The following NUBPL variants were observed in gnomAD, a reference collection of about 807,000 sequenced individuals.
The protein encoded by NUBPL is iron-sulfur cluster transfer protein NUBPL.
A neutral mutation model predicts 45.7 loss-of-function variants in NUBPL; 31 were observed. The ratio of observed to expected loss-of-function variants is 0.68; its 90% confidence interval spans 0.51 to 0.92. The LOEUF is 0.92. Among genes scored for constraint, NUBPL ranks in the 40% least tolerant of loss-of-function variants. NUBPL has a pLI of 0.00. For missense variants in NUBPL, 401 were observed against 398.7 expected, an observed-to-expected ratio of 1.01 and a Z score of -0.05; for synonymous variants, 144 against 140.9, an observed-to-expected ratio of 1.02 and a Z score of -0.15.
At chr14:31,578,827 G>C (rs1467032249) in intron 3 of NUBPL, among the ~76,000 whole-genome samples, 3 of 152,178 alleles carry the variant, frequency 2.0e-5, no homozygotes, top group African/African-American at 7.2e-5. Flanking sequence ...GAATGATAAA[G>C]TACAACCGCC....
At chr14:31,660,300 A>C (rs1408442245) in intron 4 of NUBPL, among the ~76,000 whole-genome samples, 1 of 152,170 alleles carries the variant, frequency 6.6e-6, no homozygotes, top group Non-Finnish European at 1.5e-5. Flanking sequence ...TCGTGGTACT[A>C]GTATTTTCTG....
At chr14:31,721,439 G>A (rs921799041) in intron 6 of NUBPL, among the ~76,000 whole-genome samples, 2 of 152,014 alleles carry the variant, frequency 1.3e-5, no homozygotes, top group Non-Finnish European at 2.9e-5. Flanking sequence ...CTTAGTATAT[G>A]GCTGAAATTT....
chr14:31,625,257 A>T (rs149710157), intron 4 of NUBPL, among the ~76,000 whole-genome samples: 2 of 152,202 alleles, frequency 1.3e-5, no homozygotes, highest in Non-Finnish European at 2.9e-5. Context: ...ATTGAAAATT[A>T]CATTTTAGAT....
intron 6 of NUBPL, among the ~76,000 whole-genome samples, chr14:31,717,937 G>A (rs190444603): frequency 2.0e-5 from 3 of 152,214 alleles, no homozygotes; most frequent in Admixed American, 6.5e-5. Context: ...GCTAATTGCT[G>A]TTGCAGAATT....
chr14:31,849,896 A>G (rs2040510770), intron 9 of NUBPL, among the ~76,000 whole-genome samples: 1 of 152,222 alleles, frequency 6.6e-6, no homozygotes, highest in Admixed American at 6.5e-5. Context: ...GGTGCCACAG[A>G]GCTTTCCTAT....
intron 4 of NUBPL, among the ~76,000 whole-genome samples, chr14:31,601,140 T>A (rs1160139337): frequency 1.3e-5 from 2 of 152,256 alleles, no homozygotes; most frequent in South Asian, 2.1e-4. Context: ...AGTACCATGC[T>A]GTTTTGGTTA....
chr14:31,805,383 A>C (rs1223167183), intron 7 of NUBPL, among the ~76,000 whole-genome samples: 2 of 152,234 alleles, frequency 1.3e-5, no homozygotes, highest in Non-Finnish European at 2.9e-5. Flanking sequence ...TAAAGACAGA[A>C]CTATCATTCA....
At chr14:31,596,250 T>A (rs1336986609) in intron 3 of NUBPL, among the ~76,000 whole-genome samples, 1 of 152,162 alleles carries the variant, frequency 6.6e-6, no homozygotes, top group African/African-American at 2.4e-5. Context: ...CAAGACATCC[T>A]AATTTAGTTC....
chr14:31,580,805 A>G (rs1223843124), intron 3 of NUBPL, among the ~76,000 whole-genome samples: 1 of 152,194 alleles, frequency 6.6e-6, no homozygotes. Context: ...AATGGGAGGA[A>G]AGCCTCATGA....
intron 4 of NUBPL, among the ~76,000 whole-genome samples, chr14:31,651,332 G>A (rs1235830517): frequency 6.6e-6 from 1 of 152,060 alleles, no homozygotes; most frequent in South Asian, 2.1e-4. Context: ...CCAAGGTGCT[G>A]GCATTACAGG....
At chr14:31,654,995 T>C (rs1272447679) in intron 4 of NUBPL, among the ~76,000 whole-genome samples, 1 of 152,188 alleles carries the variant, frequency 6.6e-6, no homozygotes, top group African/African-American at 2.4e-5. Context: ...AAAAAGCAAC[T>C]CCTTATCTGT....
At chr14:31,759,925 G>A (rs2038761644) in intron 6 of NUBPL, among the ~76,000 whole-genome samples, 1 of 151,142 alleles carries the variant, frequency 6.6e-6, no homozygotes, top group Non-Finnish European at 1.5e-5. Context: ...GCTAAGCTAT[G>A]ATGTTTGGTA....
intron 4 of NUBPL, among the ~76,000 whole-genome samples, chr14:31,606,029 T>TCTCCCTCCTC (rs577925638): frequency 7.4e-5 from 11 of 148,036 alleles, no homozygotes; most frequent in African/African-American, 2.5e-4. Context: ...CCTCACTCCT[T>TCTCCCTCCTC]CTCCCTCCTC....
chr14:31,637,362 G>A (rs537260763), intron 4 of NUBPL, among the ~76,000 whole-genome samples: 33 of 152,218 alleles, frequency 2.2e-4, no homozygotes, highest in South Asian at 6.2e-4. Context: ...TAGTCATTCA[G>A]GAGCAGGTTG....
At chr14:31,851,062 T>A (rs1340524071) in intron 10 of NUBPL, among the ~76,000 whole-genome samples, 2 of 152,206 alleles carry the variant, frequency 1.3e-5, no homozygotes, top group Admixed American at 6.5e-5. Flanking sequence ...ATAAAATCTT[T>A]AAGCATAAAA....
intron 3 of NUBPL, among the ~76,000 whole-genome samples, chr14:31,591,796 T>A (rs2034149750): frequency 6.6e-6 from 1 of 152,126 alleles, no homozygotes; most frequent in Non-Finnish European, 1.5e-5. Context: ...ACTGTGGGGA[T>A]CATATAGTAA....
intron 6 of NUBPL, among the ~76,000 whole-genome samples, chr14:31,730,461 ATCT>A (rs1451382424): frequency 1.3e-5 from 2 of 149,708 alleles, no homozygotes; most frequent in African/African-American, 5.0e-5. Flanking sequence ...GGATCAAGTA[ATCT>A]TTTTTTTTTT....
chr14:31,569,644 C>A (rs893276642), intron 3 of NUBPL, among the ~76,000 whole-genome samples: 1 of 152,146 alleles, frequency 6.6e-6, no homozygotes, highest in Non-Finnish European at 1.5e-5. Context: ...ATAAATATTG[C>A]AACCCATGGT....
At chr14:31,852,277 T>C (rs1451424633) in intron 10 of NUBPL, among the ~76,000 whole-genome samples, 2 of 152,250 alleles carry the variant, frequency 1.3e-5, no homozygotes, top group African/African-American at 4.8e-5. Flanking sequence ...GTATAAGATG[T>C]CATGACACTA....
Sources: allele counts gnomAD v4.1 joint callset (sites outside exome capture counted in the v4.1 genomes callset), GRCh38; gene constraint gnomAD v4.1.1; transcripts MANE v1.5; gene names NCBI Gene and HGNC (gene_info 2026-07-23, HGNC 2026-07-21).